Variants in DLC1 observed in about 807,000 individuals in gnomAD.
DLC1 encodes DLC1 Rho GTPase activating protein, also known as rho GTPase-activating protein 7.
Under a neutral mutation model 140.3 loss-of-function variants are expected in DLC1, and 54 were observed. The ratio of observed to expected loss-of-function variants is 0.38; its 90% CI spans 0.31 to 0.48. The LOEUF is 0.48. Ranked by LOEUF, DLC1 falls within the 20% of genes least tolerant of loss-of-function variation. The pLI is 0.96. For missense variants in DLC1, 2,536 were observed against 1,907.0 expected (o/e 1.33, Z -6.14); for synonymous variants, 986 against 728.1 (o/e 1.35, Z -5.70).
chr8:13,525,462 A>T (rs995070809), intron 1 of DLC1, among the ~76,000 whole-genome samples: 2 of 152,148 alleles, frequency 1.3e-5, no homozygotes, highest in Admixed American at 1.3e-4. Context: ...ACCGATTTCT[A>T]AGAATTTTTG....
intron 1 of DLC1, among the ~76,000 whole-genome samples, chr8:13,522,150 C>T (rs1334819391): frequency 6.6e-6 from 1 of 152,114 alleles, no homozygotes; most frequent in African/African-American, 2.4e-5. Flanking sequence ...CCTGGTACTG[C>T]GCAGTGGGGT....
At chr8:13,423,592 G>C (rs2117356999) in intron 2 of DLC1, among the ~76,000 whole-genome samples, 1 of 152,240 alleles carries the variant, frequency 6.6e-6, no homozygotes, top group Non-Finnish European at 1.5e-5. Context: ...TTAATACTAT[G>C]ATTAATTGCT....
intron 5 of DLC1, among the ~76,000 whole-genome samples, chr8:13,200,513 C>T (rs1827320285): frequency 6.6e-6 from 1 of 152,186 alleles, no homozygotes; most frequent in African/African-American, 2.4e-5. Context: ...TAAAAGTAGA[C>T]TTAAATACTG....
rs375278383 is a variant in DLC1 at position 13,482,021 on chromosome 8, C to T, written c.1023+17028G>A. Among the ~76,000 whole-genome samples, 271 of 152,278 alleles carry T rather than the reference C, an allele frequency of 1.8e-3. 2 individuals carry two copies. Among genetic ancestry groups the T allele is most frequent in the African/African-American group, 6.2e-3 (258 of 41,548 alleles). On this transcript the variant is annotated intron_variant, in intron 2 of 17. Coordinates refer to ENST00000276297, the MANE Select transcript of DLC1 (RefSeq NM_182643.3). ...GAGTGTAAAGGAACCAATTCTCCTT[C>T]AGAGCCAATTGAAGGAGCTAACCCT...
At chr8:13,154,725 C>T (rs561206265) in intron 5 of DLC1, among the ~76,000 whole-genome samples, 11 of 152,036 alleles carry the variant, frequency 7.2e-5, no homozygotes, top group Non-Finnish European at 8.8e-5. Context: ...CGAGAGCGAG[C>T]GAGGGCTGCT....
chr8:13,269,199 C>G (rs1433234402), intron 5 of DLC1, among the ~76,000 whole-genome samples: 1 of 152,096 alleles, frequency 6.6e-6, no homozygotes, highest in African/African-American at 2.4e-5. Flanking sequence ...AAAGCACATG[C>G]CTTGTCTTTG....
At chr8:13,419,156 G>C (rs1434384925) in intron 2 of DLC1, among the ~76,000 whole-genome samples, 1 of 152,136 alleles carries the variant, frequency 6.6e-6, no homozygotes, top group African/African-American at 2.4e-5. Flanking sequence ...CATGTGGTCT[G>C]CAAACAGGGA....
At chr8:13,358,433 A>G (rs142850081) in intron 4 of DLC1, among the ~76,000 whole-genome samples, 8 of 152,316 alleles carry the variant, frequency 5.3e-5, no homozygotes, top group African/African-American at 1.7e-4. Flanking sequence ...TTAGTCCAAA[A>G]AAAGTGCTTG....
intron 2 of DLC1, among the ~76,000 whole-genome samples, chr8:13,422,663 G>A (rs1838371574): frequency 6.6e-6 from 1 of 151,580 alleles, no homozygotes; most frequent in Admixed American, 6.6e-5. Context: ...AGGGTGCTGG[G>A]GTTTATTTTC....
At chr8:13,282,716 A>AACCAGAGT (rs1831407219) in intron 5 of DLC1, among the ~76,000 whole-genome samples, 1 of 152,176 alleles carries the variant, frequency 6.6e-6, no homozygotes, top group Admixed American at 6.6e-5. Flanking sequence ...TACAGCATAG[A>AACCAGAGT]ACCAGAGTTA....
chr8:13,199,789 A>G (rs1258542815), intron 5 of DLC1, among the ~76,000 whole-genome samples: 1 of 152,168 alleles, frequency 6.6e-6, no homozygotes, highest in Non-Finnish European at 1.5e-5. Context: ...GTTTGAAACT[A>G]GATGTTCCAT....
intron 1 of DLC1, among the ~76,000 whole-genome samples, chr8:13,583,195 C>A (rs1759505703): frequency 6.6e-6 from 1 of 152,114 alleles, no homozygotes; most frequent in Admixed American, 6.6e-5. Flanking sequence ...GCATGAGATG[C>A]TGTTTGATAG....
At chr8:13,143,846 G>GAGAGAGAGAGAGACAGAC (rs1476183797) in intron 5 of DLC1, among the ~76,000 whole-genome samples, 1 of 148,388 alleles carries the variant, frequency 6.7e-6, no homozygotes, top group African/African-American at 2.5e-5. Flanking sequence ...GAGAGAGAGA[G>GAGAGAGAGAGAGACAGAC]AGAGAGACAT....
rs145013738 is a variant in DLC1, at chr8:13,591,521, T to C, written c.-126+13016A>G. ...AAGTTTCCTGAGGCCTCCCTAGCCA[T>C]GCAGAACCGTGAGTCAATTAAACCT... On this transcript the variant is annotated intron_variant, in intron 1 of 1. Coordinates refer to the DLC1 transcript ENST00000631382. 4.6e-5 allele frequency among the ~76,000 whole-genome samples: 7 copies of C among 152,248 alleles called. No homozygotes were observed. The East Asian group carries it at 1.4e-3, about 29-fold the overall frequency.
At chr8:13,116,220 G>C (rs1271189788) in intron 5 of DLC1, 2 of 985,360 alleles carry the variant, frequency 2.0e-6, no homozygotes, top group Admixed American at 6.1e-5. Flanking sequence ...AGGCTGTCAA[G>C]GAACATGGAG....
At chr8:13,555,966 G>T (rs111568441) in intron 1 of DLC1, among the ~76,000 whole-genome samples, 1 of 152,098 alleles carries the variant, frequency 6.6e-6, no homozygotes, top group Non-Finnish European at 1.5e-5. Flanking sequence ...AAAGAAAGAG[G>T]TTGCATTTCA....
intron 5 of DLC1, among the ~76,000 whole-genome samples, chr8:13,303,981 C>T (rs772274393): frequency 6.6e-6 from 1 of 152,158 alleles, no homozygotes; most frequent in Non-Finnish European, 1.5e-5. Context: ...GACCAGCCAA[C>T]AACTCACATC....
chr8:13,300,453 A>C (rs1236227355), intron 5 of DLC1, among the ~76,000 whole-genome samples: 1 of 152,200 alleles, frequency 6.6e-6, no homozygotes, highest in African/African-American at 2.4e-5. Flanking sequence ...AAGTAAATCT[A>C]CATTGAACTT....
intron 1 of DLC1, among the ~76,000 whole-genome samples, chr8:13,547,561 T>C (rs1354583345): frequency 6.6e-6 from 1 of 152,182 alleles, no homozygotes; most frequent in East Asian, 1.9e-4. Flanking sequence ...GGTGAGTATA[T>C]GCTATTGCTC....
Sources: allele counts gnomAD v4.1 joint callset (sites outside exome capture counted in the v4.1 genomes callset), GRCh38; gene constraint gnomAD v4.1.1; transcripts MANE v1.5; gene names NCBI Gene and HGNC (gene_info 2026-07-23, HGNC 2026-07-21).